Variants in PLA2R1 observed in about 807,000 individuals in gnomAD.
PLA2R1 encodes secretory phospholipase A2 receptor.
A neutral mutation model predicts 195.9 loss-of-function variants in PLA2R1; 158 were observed. That is an observed-to-expected ratio of 0.81 (90% CI 0.71 to 0.92). The LOEUF (loss-of-function observed/expected upper bound fraction) is 0.92, where lower values mean the gene tolerates loss of function less well. Ranked by LOEUF, PLA2R1 falls within the 40% of genes least tolerant of loss-of-function variation. The pLI, the probability that PLA2R1 is intolerant of heterozygous loss-of-function variation, is 0.00. For missense variants in PLA2R1, 1,626 were observed against 1,764.6 expected (o/e 0.92, Z 1.41); for synonymous variants, 586 against 598.2 (o/e 0.98, Z 0.30).
At chr2:159,927,457 T>C (rs919748614), downstream of PLA2R1, among the ~76,000 whole-genome samples, 5 of 152,170 alleles carry the variant, frequency 3.3e-5, no homozygotes, top group Non-Finnish European at 7.3e-5. Context: ...AGGGGGATAT[T>C]TTGCCATTCC....
intron 19 of PLA2R1, among the ~76,000 whole-genome samples, chr2:159,968,303 C>A (rs1236140069): frequency 4.0e-5 from 6 of 151,540 alleles, no homozygotes; most frequent in South Asian, 4.2e-4. Flanking sequence ...TTATTGGCAT[C>A]CAAGTCATAA....
chr2:160,059,236 T>C (rs1304480600), intron 1 of PLA2R1, among the ~76,000 whole-genome samples: 1 of 152,154 alleles, frequency 6.6e-6, no homozygotes, highest in Non-Finnish European at 1.5e-5. Context: ...TCACCTTCTG[T>C]TGTGTGGCCC....
intron 8 of PLA2R1, among the ~76,000 whole-genome samples, chr2:160,019,057 A>C (rs1406621391): frequency 1.3e-5 from 2 of 152,200 alleles, no homozygotes; most frequent in African/African-American, 4.8e-5. Context: ...TTTTAGGCAT[A>C]ATAAACTGTT....
intron 19 of PLA2R1, among the ~76,000 whole-genome samples, chr2:159,968,881 G>C (rs1429425984): frequency 6.6e-6 from 1 of 152,120 alleles, no homozygotes; most frequent in African/African-American, 2.4e-5. Flanking sequence ...ATTTCACAGA[G>C]GTTAAAGTTC....
chr2:159,971,247 C>G lies in PLA2R1; in HGVS notation c.2596-1035G>C, dbSNP rs188466454. ...TGTTAACAGAGTGATATAGTTATCA[C>G]CAATAAAAAAACCACTTAATCTAAG... On this transcript the variant is annotated intron_variant, in intron 17 of 29. Transcript: ENST00000283243. Among the ~76,000 whole-genome samples the G allele has an allele frequency of 2.0e-5, 3 of 151,852 alleles. No homozygotes were observed. In the East Asian group the frequency reaches 5.8e-4, roughly 29 times the overall value.
chr2:159,941,933 T>C lies in PLA2R1; in HGVS notation c.4237A>G (p.Ile1413Val), dbSNP rs560947497. The C allele has an allele frequency of 1.9e-6, 3 of 1,613,974 alleles. No homozygotes were observed. The highest frequency in any genetic ancestry group is 2.2e-5 in the South Asian group (2 of 91,074). The part of the protein sequence containing the change: ...VVLTLIVIVA[I>V]CTLSFCIYKH... ...TATATGCAGAAGGAAAGTGTGCAAA[T>C]GGCCACAATGACTATCAGTGTCAGT... Residue 1413 changes from isoleucine (I) to valine (V), a missense_variant, in exon 30 of 30, where the codon ATT becomes GTT. Coordinates refer to ENST00000283243, the MANE Select transcript of PLA2R1 (RefSeq NM_007366.5).
intron 20 of PLA2R1, among the ~76,000 whole-genome samples, chr2:159,959,178 C>A (rs933484685): frequency 1.3e-5 from 2 of 152,112 alleles, no homozygotes; most frequent in African/African-American, 4.8e-5. Context: ...TAAAGAGTGG[C>A]ACATATTAAT....
chr2:159,989,440 C>T (rs994212723), intron 11 of PLA2R1, among the ~76,000 whole-genome samples: 2 of 152,110 alleles, frequency 1.3e-5, no homozygotes, highest in Non-Finnish European at 2.9e-5. Context: ...TCCATTCCCC[C>T]GTCCTTTGAG....
At chr2:160,019,982 T>G (rs1558941057) in intron 8 of PLA2R1, 124 bp downstream of exon 8, 4 of 609,658 alleles carry the variant, frequency 6.6e-6, no homozygotes, top group Non-Finnish European at 8.8e-6. Context: ...CTCTCTAACA[T>G]GGAAGGCCCA....
intron 1 of PLA2R1, among the ~76,000 whole-genome samples, chr2:160,054,706 T>C (rs1695423378): frequency 6.6e-6 from 1 of 152,220 alleles, no homozygotes. Flanking sequence ...TTATAAAATG[T>C]TTTTCCCTAA....
At position 159,977,367 on chromosome 2, in the gene PLA2R1, T is replaced by C. The variant is rs753577618; in HGVS notation, c.2318A>G (p.Asn773Ser). ...DNTYFGEDARNCAVYKANKTL... is the reference protein window; with the variant it reads ...DNTYFGEDARSCAVYKANKTL... ...TTTGTTTGCCTTATAAACAGCACAGTTTCTTGCATCTTCTCCAAAATAAGT... is the reference window on the plus strand; with the variant it reads ...TTTGTTTGCCTTATAAACAGCACAGCTTCTTGCATCTTCTCCAAAATAAGT... The change falls in exon 15 of 30, where the codon AAC (asparagine) becomes AGC (serine). Residue 773 changes from asparagine (N) to serine (S), a missense_variant. Transcript: ENST00000283243. The C allele has an allele frequency of 1.2e-6, 2 of 1,612,960 alleles. No homozygotes were observed. The highest frequency in any genetic ancestry group is 2.2e-5 in the South Asian group (2 of 91,044).
intron 20 of PLA2R1, 76 bp downstream of exon 20, chr2:159,967,463 T>C: frequency 7.5e-7 from 1 of 1,328,266 alleles, no homozygotes; most frequent in Non-Finnish European, 1.0e-6. Context: ...CAAAAGCCAC[T>C]TTCACTTTTT....
chr2:160,058,149 C>T (rs536144077), intron 1 of PLA2R1, among the ~76,000 whole-genome samples: 1 of 152,128 alleles, frequency 6.6e-6, no homozygotes, highest in African/African-American at 2.4e-5. Flanking sequence ...GAAAACATGT[C>T]TCAGGAATTG....
intron 11 of PLA2R1, among the ~76,000 whole-genome samples, chr2:160,000,031 T>C (rs1038617007): frequency 6.6e-6 from 1 of 152,192 alleles, no homozygotes; most frequent in Non-Finnish European, 1.5e-5. Context: ...GTATGAACCA[T>C]GGTAGCCAAA....
chr2:159,976,893 G>T (rs1176181722), intron 15 of PLA2R1, among the ~76,000 whole-genome samples, 173 bp from the exon 16 acceptor site: 1 of 152,216 alleles, frequency 6.6e-6, no homozygotes, highest in African/African-American at 2.4e-5. Flanking sequence ...TGAAGAGGAA[G>T]CTCCAGAGAG....
intron 3 of PLA2R1, among the ~76,000 whole-genome samples, chr2:160,036,923 A>G (rs1188654920): frequency 6.6e-6 from 1 of 152,078 alleles, no homozygotes; most frequent in Non-Finnish European, 1.5e-5. Flanking sequence ...TTCTTCTTTT[A>G]GTCTCTTTGT....
At chr2:159,967,979 AAAG>A (rs1220955478) in intron 19 of PLA2R1, among the ~76,000 whole-genome samples, 1 of 152,226 alleles carries the variant, frequency 6.6e-6, no homozygotes, top group Non-Finnish European at 1.5e-5. Context: ...TTGTGTAGCA[AAAG>A]AATACTTTGT....
chr2:159,949,035 G>T (rs1687563306), intron 25 of PLA2R1, among the ~76,000 whole-genome samples: 1 of 152,184 alleles, frequency 6.6e-6, no homozygotes, highest in Non-Finnish European at 1.5e-5. Flanking sequence ...AAAGTGCAGA[G>T]CCAGATATCT....
chr2:159,932,142 A>G lies in PLA2R1; in HGVS notation c.*9636T>C, dbSNP rs940744370. On this transcript the variant is annotated 3_prime_UTR_variant, in exon 30 of 30. Coordinates refer to ENST00000283243, the MANE Select transcript of PLA2R1 (RefSeq NM_007366.5). ...CTTCACTTCACTTGGGACGTTTAGT[A>G]TAAGTTGCAGTAGCAATCGCAGGGA... 3.9e-5 allele frequency: 6 copies of G among 152,256 alleles called. No homozygotes were observed. The highest frequency in any genetic ancestry group is 3.8e-4 in the East Asian group (2 of 5,196). 9.4% of individuals were successfully genotyped at this position (152,256 alleles called of 1,614,324 possible).
Sources: allele counts gnomAD v4.1 joint callset (sites outside exome capture counted in the v4.1 genomes callset), GRCh38; gene constraint gnomAD v4.1.1; transcripts MANE v1.5; gene names NCBI Gene and HGNC (gene_info 2026-07-23, HGNC 2026-07-21).